The following CCND3 variants were observed in gnomAD, a reference collection of about 807,000 sequenced individuals.
The protein encoded by CCND3 is cyclin D3.
Under a neutral mutation model 28.7 loss-of-function variants are expected in CCND3, and 9 were observed. That is an observed-to-expected ratio of 0.31 (90% confidence interval 0.19 to 0.55). The LOEUF (loss-of-function observed/expected upper bound fraction) is 0.55. CCND3 is among the 20% of genes least tolerant of loss of function. The pLI is 0.93. For synonymous variants in CCND3, 164 were observed against 163.9 expected, an observed-to-expected ratio of 1.00 and a Z score of 0.00; for missense variants, 315 against 385.8, an observed-to-expected ratio of 0.82 and a Z score of 1.54.
chr6:41,958,092 G>A (rs1328486611), intron 1 of CCND3, among the ~76,000 whole-genome samples: 2 of 147,018 alleles, frequency 1.4e-5, no homozygotes, highest in Non-Finnish European at 3.0e-5. Flanking sequence ...CCACCTCCTG[G>A]GTTCAAGTGA....
At chr6:42,035,999 G>GT (rs1764195484) in intron 1 of CCND3, among the ~76,000 whole-genome samples, 2 of 148,748 alleles carry the variant, frequency 1.3e-5, no homozygotes, top group African/African-American at 5.0e-5. Context: ...TATTATTTTG[G>GT]GTTTTTTTTG....
rs144779511 is a variant in CCND3 at position 41,991,081 on chromosome 6, G to A, written c.-45-50496C>T. 8.1e-3 allele frequency among the ~76,000 whole-genome samples: 1,211 copies of A among 149,848 alleles called. 3 individuals carry two copies. The highest frequency in any genetic ancestry group is 0.012 in the Non-Finnish European group (811 of 67,540). ...GAAAACTTTTTTTTTTTTTTAAGGC[G>A]GAATTTCCCTCTTGTTGCCCAGACT... is the stretch of plus-strand genomic sequence containing the variant. On this transcript the variant is annotated intron_variant, in intron 1 of 4. Transcript: ENST00000372988.
upstream of CCND3, among the ~76,000 whole-genome samples, chr6:42,049,458 C>T (rs577424909): frequency 2.2e-4 from 33 of 152,332 alleles, 2 homozygotes; most frequent in South Asian, 6.4e-3. Flanking sequence ...GGTCAAGTGC[C>T]CGAAGTACCA....
At chr6:41,942,549 A>C (rs2127396109), upstream of CCND3, among the ~76,000 whole-genome samples, 1 of 152,280 alleles carries the variant, frequency 6.6e-6, no homozygotes, top group East Asian at 1.9e-4. Context: ...TCACCTTGTT[A>C]AGTTGCTTGC....
chr6:41,993,410 C>CTTTTTTTTTT (rs70987558), intron 1 of CCND3, among the ~76,000 whole-genome samples: 3 of 101,690 alleles, frequency 3.0e-5, no homozygotes, highest in Non-Finnish European at 3.9e-5. Flanking sequence ...CTCATGTCTT[C>CTTTTTTTTTT]TTTTTTTTTT....
intron 1 of CCND3, among the ~76,000 whole-genome samples, chr6:41,964,273 C>A (rs28449539): frequency 2.0e-5 from 3 of 150,882 alleles, no homozygotes; most frequent in Admixed American, 6.6e-5. Context: ...CTTCCTCCAG[C>A]GTGTGTATGT....
At chr6:41,979,902 C>T (rs1436880742) in intron 1 of CCND3, among the ~76,000 whole-genome samples, 2 of 151,922 alleles carry the variant, frequency 1.3e-5, no homozygotes. Flanking sequence ...CCCTAGAGTG[C>T]TGGCATTACA....
At chr6:41,986,155 G>A (rs1490448059) in intron 1 of CCND3, among the ~76,000 whole-genome samples, 1 of 152,022 alleles carries the variant, frequency 6.6e-6, no homozygotes, top group Non-Finnish European at 1.5e-5. Flanking sequence ...TGTTATGCCA[G>A]TACCATGCTA....
rs114887899 is a variant in CCND3, at chr6:41,994,487, C to T, written c.-45-53902G>A. Among the ~76,000 whole-genome samples the T allele has an allele frequency of 8.3e-3, 1,263 of 152,242 alleles. 17 individuals carry two copies. Among genetic ancestry groups the T allele is most frequent in the African/African-American group, 0.028 (1,168 of 41,546 alleles). On this transcript the variant is annotated intron_variant, in intron 1 of 4. Transcript: ENST00000372988. ...TAGGGGAAAGCATGAGACAAACAAA[C>T]AGAGCACAGAGGATTTTTAGGGTAG...
chr6:41,950,160 T>A (rs1384761494), intron 1 of CCND3, among the ~76,000 whole-genome samples: 3 of 151,888 alleles, frequency 2.0e-5, no homozygotes, highest in African/African-American at 7.3e-5. Flanking sequence ...TCTGGCTGTC[T>A]GGGTTCTGAA....
chr6:42,002,408 C>A (rs1249385834), intron 1 of CCND3, among the ~76,000 whole-genome samples: 3 of 148,692 alleles, frequency 2.0e-5, no homozygotes, highest in Non-Finnish European at 4.4e-5. Flanking sequence ...CCACTGCACT[C>A]CAGCCTGGGC....
intron 1 of CCND3, among the ~76,000 whole-genome samples, chr6:42,009,273 C>A (rs893517120): frequency 6.6e-6 from 1 of 152,100 alleles, no homozygotes; most frequent in Non-Finnish European, 1.5e-5. Flanking sequence ...CCCAGGAGTT[C>A]AAGACCAGCC....
chr6:42,007,959 G>C (rs943681601), intron 1 of CCND3, among the ~76,000 whole-genome samples: 1 of 152,122 alleles, frequency 6.6e-6, no homozygotes, highest in African/African-American at 2.4e-5. Context: ...AGCTGGCGGG[G>C]TGTGAAGGCT....
At chr6:42,030,303 C>T (rs906399082) in intron 1 of CCND3, 3 of 152,172 alleles carry the variant, frequency 2.0e-5, no homozygotes, top group Admixed American at 6.6e-5. Flanking sequence ...AATTTTAAAT[C>T]CCAGGGTAGT....
chr6:42,028,901 C>G (rs560206054), intron 1 of CCND3, among the ~76,000 whole-genome samples: 10 of 152,090 alleles, frequency 6.6e-5, no homozygotes, highest in Non-Finnish European at 4.4e-5. Flanking sequence ...ACCTGTGCAG[C>G]CACACAGGGT....
chr6:42,038,601 A>G (rs967051991), intron 1 of CCND3, among the ~76,000 whole-genome samples: 9 of 152,160 alleles, frequency 5.9e-5, no homozygotes, highest in Non-Finnish European at 2.9e-5. Context: ...TCTACAAATA[A>G]TAGTGATTAT....
At chr6:42,044,704 C>A (rs1211515960) in intron 1 of CCND3, among the ~76,000 whole-genome samples, 2 of 152,188 alleles carry the variant, frequency 1.3e-5, no homozygotes, top group South Asian at 2.1e-4. Flanking sequence ...TTGCTGCAAT[C>A]TTCCAGAATT....
chr6:41,962,392 G>A (rs926345312), intron 1 of CCND3, among the ~76,000 whole-genome samples: 5 of 151,568 alleles, frequency 3.3e-5, no homozygotes, highest in African/African-American at 9.7e-5. Flanking sequence ...GAGCCACTGC[G>A]CCTGGCTGCC....
intron 1 of CCND3, among the ~76,000 whole-genome samples, chr6:42,010,599 G>A (rs1763316731): frequency 6.6e-6 from 1 of 152,146 alleles, no homozygotes; most frequent in South Asian, 2.1e-4. Context: ...AGCAGGGCCG[G>A]GTTAACTGAC....
Sources: gnomAD v4.1 joint callset for allele counts (sites outside exome capture counted in the v4.1 genomes callset) on GRCh38, gnomAD v4.1.1 for gene constraint, MANE v1.5 for transcripts, NCBI Gene and HGNC (gene_info 2026-07-23, HGNC 2026-07-21) for gene names.